Variants in ADGRV1 observed in about 807,000 individuals in gnomAD.
The protein encoded by ADGRV1 is G-protein coupled receptor 98.
ADGRV1 carries 359 observed loss-of-function variants against 596.2 expected under a neutral mutation model. The ratio of observed to expected loss-of-function variants is 0.60; its 90% confidence interval spans 0.55 to 0.66. The LOEUF (loss-of-function observed/expected upper bound fraction) is 0.66, where lower values mean the gene tolerates loss of function less well. ADGRV1 is among the 30% of genes least tolerant of loss of function. The pLI, the probability that ADGRV1 is intolerant of heterozygous loss-of-function variation, is 0.00. For synonymous variants in ADGRV1, 2,681 were observed against 2,679.2 expected, an observed-to-expected ratio of 1.00 and a Z score of -0.02; for missense variants, 7,274 against 7,575.6, an observed-to-expected ratio of 0.96 and a Z score of 1.48.
Position 90,625,135 on chromosome 5 carries a change from G to C in ADGRV1, c.564G>C (p.Glu188Asp), listed in dbSNP as rs377529304. The change falls in exon 6 of 90, where the codon GAG becomes GAC. Residue 188 changes from glutamate (E) to aspartate (D), a missense_variant. Glu to Asp is a conservative substitution (Grantham distance 45). Coordinates refer to ENST00000405460, the MANE Select transcript of ADGRV1 (RefSeq NM_032119.4). ...YGMVMVTFEV[E>D]GGPNPPDEDL... The stretch of plus-strand genomic sequence containing the variant: ...CATTTTGTGTTTCTTTGCAGGTAGA[G>C]GGTGGCCCAAATCCCCCTGATGAAG... 1.4e-5 allele frequency: 23 copies of C among 1,604,082 alleles called. No individual in the cohort carries two copies. In the African/African-American group the frequency reaches 2.5e-4, roughly 18 times the overall value.
chr5:90,946,463 T>A (rs1776585266), intron 83 of ADGRV1, among the ~76,000 whole-genome samples: 1 of 152,166 alleles, frequency 6.6e-6, no homozygotes, highest in Non-Finnish European at 1.5e-5. Flanking sequence ...TTTTTTTAAT[T>A]TAATTTTAAG....
Position 90,558,798 on chromosome 5 carries a change from G to A in ADGRV1, c.-98G>A, listed in dbSNP as rs7706355. 3.7e-3 allele frequency: 4,325 copies of A among 1,176,440 alleles called. 103 individuals carry two copies. The African/African-American group carries it at 0.055, about 15-fold the overall frequency. 72.9% of individuals were successfully genotyped at this position (1,176,440 alleles called of 1,614,324 possible). The stretch of plus-strand genomic sequence containing the variant: ...GAGCCCTCCTCCTGATCCTGTAGTG[G>A]TAGTAAGAATCAGCAGCGCGGGCAA... On this transcript the variant is annotated 5_prime_UTR_variant, in exon 1 of 90. Transcript: ENST00000405460.
chr5:90,905,694 CT>C (rs1772256915), intron 83 of ADGRV1, among the ~76,000 whole-genome samples: 1 of 152,000 alleles, frequency 6.6e-6, no homozygotes, highest in African/African-American at 2.4e-5. Flanking sequence ...AATTTGACTT[CT>C]TTTTTTCCAG....
At chr5:90,972,170 C>G (rs1779099278) in intron 84 of ADGRV1, among the ~76,000 whole-genome samples, 1 of 152,166 alleles carries the variant, frequency 6.6e-6, no homozygotes, top group African/African-American at 2.4e-5. Flanking sequence ...AATATATATG[C>G]ACCGAATACA....
rs1240759690 is a variant in ADGRV1 at position 90,791,178 on chromosome 5, C to T, written c.14349C>T (p.Ile4783=). Residue 4783 remains isoleucine, a synonymous_variant, in exon 70 of 90, where the codon ATC becomes ATT. Transcript: ENST00000405460. ...TTGGGCAGAACCTTATTAGATCCAT[C>T]CAAATTAACATAACCCGGCTTGCTG... The part of the protein sequence containing the change: ...ILIGQNLIRS[I]QINITRLAGT... 1.1e-5 allele frequency: 17 copies of T among 1,613,930 alleles called. No individual in the cohort carries two copies. The highest frequency in any genetic ancestry group is 8.8e-5 in the South Asian group (8 of 91,080).
At chr5:90,875,710 G>C (rs1482596327) in intron 83 of ADGRV1, among the ~76,000 whole-genome samples, 5 of 152,186 alleles carry the variant, frequency 3.3e-5, no homozygotes, top group Non-Finnish European at 5.9e-5. Flanking sequence ...TGTGCAAAGA[G>C]AATTGGCTCT....
intron 9 of ADGRV1, chr5:90,630,559 A>G (rs1381645347): frequency 1.3e-5 from 2 of 152,196 alleles, no homozygotes; most frequent in Non-Finnish European, 2.9e-5. Context: ...AAGGGTACTT[A>G]TTAAATTATG....
intron 83 of ADGRV1, among the ~76,000 whole-genome samples, chr5:90,878,279 T>C (rs533394851): frequency 4.6e-5 from 7 of 152,172 alleles, no homozygotes; most frequent in Non-Finnish European, 1.0e-4. Flanking sequence ...GTCACTGATA[T>C]TTGATTTACT....
intron 83 of ADGRV1, among the ~76,000 whole-genome samples, chr5:90,958,283 C>CAAAA (rs34676985): frequency 2.3e-3 from 164 of 72,618 alleles, no homozygotes; most frequent in Non-Finnish European, 3.5e-3. Context: ...GACCTTGTCT[C>CAAAA]AAAAAAAAAA....
chr5:90,721,200 A>G (rs1239512156), intron 45 of ADGRV1, 141 bp downstream of exon 45: 4 of 739,712 alleles, frequency 5.4e-6, no homozygotes, highest in African/African-American at 1.8e-5. Flanking sequence ...TATTGCATCT[A>G]TAAATATGTG....
At chr5:90,688,508 A>G (rs1746010753) in intron 29 of ADGRV1, among the ~76,000 whole-genome samples, 4 of 152,234 alleles carry the variant, frequency 2.6e-5, no homozygotes, top group South Asian at 2.1e-4. Flanking sequence ...AGCGTGTGCC[A>G]CCATGCCCAG....
intron 83 of ADGRV1, among the ~76,000 whole-genome samples, chr5:90,902,482 C>T (rs1771937898): frequency 1.3e-5 from 2 of 152,080 alleles, no homozygotes; most frequent in African/African-American, 4.8e-5. Flanking sequence ...CTGTGGTGCA[C>T]TTATCTTTTA....
intron 78 of ADGRV1, among the ~76,000 whole-genome samples, chr5:90,847,210 C>T (rs1765974243): frequency 6.6e-6 from 1 of 151,762 alleles, no homozygotes; most frequent in Non-Finnish European, 1.5e-5. Context: ...GAGCTAGATA[C>T]AGAGTGCTGA....
At chr5:90,694,771 T>A in intron 33 of ADGRV1, 70 bp downstream of exon 33, 1 of 1,316,900 alleles carries the variant, frequency 7.6e-7, no homozygotes, top group Non-Finnish European at 1.0e-6. Context: ...TATGATAAAA[T>A]TTATAAGAAT....
Position 90,965,465 on chromosome 5 carries a change from C to T in ADGRV1, c.17907C>T (p.Ser5969=), listed in dbSNP as rs940274563. 5.0e-6 allele frequency: 8 copies of T among 1,613,722 alleles called. No individual in the cohort carries two copies. Among genetic ancestry groups the T allele is most frequent in the East Asian group, 2.2e-5 (1 of 44,884 alleles). ...CAAGTCCCCAACTCGCTGAGGAGAG[C>T]TGTTCAGCTATGGCTGCTGTCACAC... The part of the protein sequence containing the change: ...AYASPQLAEE[S]CSAMAAVTHY... Residue 5969 remains serine (S), a synonymous_variant, in exon 84 of 90, where the codon AGC becomes AGT. Coordinates refer to ENST00000405460, the MANE Select transcript of ADGRV1 (RefSeq NM_032119.4).
rs768027337 is a variant in ADGRV1 at position 90,756,621 on chromosome 5, T to C, written c.11748T>C (p.His3916=). ...ATCCCAGAGGAATTTTTATGTTTCATGTTACTAGAGTGAGATGAACTTTCA... is the reference window on the plus strand; with the variant it reads ...ATCCCAGAGGAATTTTTATGTTTCACGTTACTAGAGTGAGATGAACTTTCA... ...NDDPRGIFMF[H]VTRGAGEVIT... is the part of the protein sequence containing the mutation. The change falls in exon 56 of 90, where the codon CAT becomes CAC. Residue 3916 remains histidine, a synonymous_variant. Transcript: ENST00000405460. 2.5e-6 allele frequency: 4 copies of C among 1,613,268 alleles called. No individual in the cohort carries two copies. Among genetic ancestry groups the C allele is most frequent in the Non-Finnish European group, 3.4e-6 (4 of 1,179,266 alleles).
chr5:91,068,892 T>C (rs1788126737), intron 85 of ADGRV1, among the ~76,000 whole-genome samples: 2 of 151,242 alleles, frequency 1.3e-5, no homozygotes, highest in Non-Finnish European at 1.5e-5. Flanking sequence ...CTTTAAAATA[T>C]ACTAAAAGGC....
At chr5:90,807,895 G>A (rs1224150323) in intron 73 of ADGRV1, among the ~76,000 whole-genome samples, 158 bp downstream of exon 73, 2 of 152,226 alleles carry the variant, frequency 1.3e-5, no homozygotes, top group African/African-American at 4.8e-5. Context: ...GGAGAGGGAG[G>A]TGGCTCTTAG....
At chr5:90,675,714 C>T (rs374223570) in intron 24 of ADGRV1, among the ~76,000 whole-genome samples, 2 of 151,750 alleles carry the variant, frequency 1.3e-5, no homozygotes, top group Non-Finnish European at 2.9e-5. Context: ...CTTGAGCCTA[C>T]GAGTTCAAGG....
Sources: allele counts gnomAD v4.1 joint callset (sites outside exome capture counted in the v4.1 genomes callset), GRCh38; gene constraint gnomAD v4.1.1; transcripts MANE v1.5; gene names NCBI Gene and HGNC (gene_info 2026-07-23, HGNC 2026-07-21).